The following ARHGEF19 variants were observed in gnomAD, a reference collection of about 807,000 sequenced individuals.
ARHGEF19 encodes the protein Rho guanine nucleotide exchange factor 19.
In ARHGEF19, 92 loss-of-function variants were observed where a neutral mutation model predicts 87.6. The ratio of observed to expected loss-of-function variants is 1.05; its 90% confidence interval spans 0.89 to 1.25. The LOEUF (loss-of-function observed/expected upper bound fraction) is 1.25, where lower values mean the gene tolerates loss of function less well. ARHGEF19 is among the 50% of genes most tolerant of loss of function. The pLI is 0.00. For missense variants in ARHGEF19, 1,054 were observed against 1,051.8 expected (o/e 1.00, Z -0.03); for synonymous variants, 438 against 446.2 (o/e 0.98, Z 0.23).
At position 16,206,990 on chromosome 1, in the gene ARHGEF19, G is replaced by T; in HGVS notation, c.1095C>A (p.Gly365=). ...CCCGCAGGCTCAGCGTGGCCAGGAC[G>T]CCGCTGCCGCGTACGTCGGGGATAT... ...WQDIPDVRGS[G]VLATLSLRDC... is the part of the protein sequence containing the mutation. The change falls in exon 6 of 16, where the codon GGC becomes GGA. Residue 365 remains glycine (G), a synonymous_variant. Coordinates refer to ENST00000270747, the MANE Select transcript of ARHGEF19 (RefSeq NM_153213.5). This position sits in a 1 kb window ranked among gnomAD's most constrained non-coding sequence, Gnocchi z 4.6. 1 of 1,514,304 alleles carries T rather than the reference G, an allele frequency of 6.6e-7. No individual in the cohort carries two copies. 93.8% of individuals were successfully genotyped at this position (1,514,304 alleles called of 1,614,324 possible). A position where few individuals can be genotyped will look rare whatever the true frequency, so the allele number is the denominator to read the frequency against.
At position 16,207,095 on chromosome 1, in the gene ARHGEF19, C is replaced by G. The variant is rs1422753100; in HGVS notation, c.990G>C (p.Pro330=). 2.0e-6 allele frequency: 3 copies of G among 1,503,840 alleles called. No individual in the cohort carries two copies. The East Asian group carries it at 8.2e-5, about 41-fold the overall frequency. The allele number at this position is 1,503,840 out of a possible 1,614,324, so 93.2% of individuals were successfully genotyped here. The stretch of plus-strand genomic sequence containing the variant: ...TGCTGGGGGAGAGGTTGGCCCGCGG[C>G]GGCCCCGGCCCCTCCTCTGCGCCCT... The part of the protein sequence containing the change: ...EAEGAEEGPG[P]PRANLSPSSS... The change falls in exon 6 of 16, where the codon CCG becomes CCC. Residue 330 remains proline, a synonymous_variant. Coordinates refer to ENST00000270747, the MANE Select transcript of ARHGEF19 (RefSeq NM_153213.5). The surrounding 1 kb of genome is among the most constrained non-coding windows in gnomAD (Gnocchi z 4.0).
chr1:16,198,417 G>A lies in ARHGEF19; in HGVS notation c.*170C>T. On this transcript the variant is annotated 3_prime_UTR_variant, in exon 16 of 16. Coordinates refer to ENST00000270747, the MANE Select transcript of ARHGEF19 (RefSeq NM_153213.5). The surrounding 1 kb of genome is among the most constrained non-coding windows in gnomAD (Gnocchi z 4.1). ...GGACACTGAGGAGCATGAGGACGGA[G>A]AGACCCTCTGGAGGCGCCCCCATTC... is the stretch of plus-strand genomic sequence containing the variant. 1 of 698,804 alleles carries A rather than the reference G, an allele frequency of 1.4e-6. No homozygotes were observed. The highest frequency in any genetic ancestry group is 2.2e-6 in the Non-Finnish European group (1 of 453,252). The allele number at this position is 698,804 out of a possible 1,614,324, so 43.3% of individuals were successfully genotyped here.
intron 13 of ARHGEF19, 78 bp downstream of exon 13, chr1:16,202,338 C>A (rs1160059562): frequency 1.2e-6 from 1 of 814,580 alleles, no homozygotes; most frequent in East Asian, 3.4e-5. Context: ...GCCATGGGGA[C>A]GGGGTGCCCA....
chr1:16,208,037 G>T lies in ARHGEF19; in HGVS notation c.601C>A (p.Leu201Met), dbSNP rs769926392. The T allele has an allele frequency of 1.2e-6, 2 of 1,613,776 alleles. No individual in the cohort carries two copies. Among genetic ancestry groups the T allele is most frequent in the East Asian group, 2.2e-5 (1 of 44,878 alleles). ...AGAGAAGAGTGCAGCCGGGTCATCA[G>T]CTCCGATGCCGAGAAGCGCCTCCGC... ...PERRRFSASE[L>M]MTRLHSSLRL... The change falls in exon 3 of 16, where the codon CTG (leucine) becomes ATG (methionine). Residue 201 changes from leucine (L) to methionine (M), a missense_variant. Leu to Met is a conservative substitution (Grantham distance 15, BLOSUM62 2). Transcript: ENST00000270747.
Position 16,207,670 on chromosome 1 carries a change from G to C in ARHGEF19, c.797+5C>G. ...TCGGACCCAAGCCCAAACGGGAGGTGGTACCTGGGCTCGGACCAATCGCCC... is the reference window on the plus strand; with the variant it reads ...TCGGACCCAAGCCCAAACGGGAGGTCGTACCTGGGCTCGGACCAATCGCCC... On this transcript the variant is annotated splice_donor_5th_base_variant and intron_variant, in intron 4 of 15. Transcript: ENST00000270747. This position sits in a 1 kb window ranked among gnomAD's most constrained non-coding sequence, Gnocchi z 4.0. The C allele has an allele frequency of 1.2e-6, 2 of 1,614,096 alleles. No homozygotes were observed. Among genetic ancestry groups the C allele is most frequent in the South Asian group, 2.2e-5 (2 of 91,088 alleles).
chr1:16,198,660 G>A lies in ARHGEF19; in HGVS notation c.2336C>T (p.Ala779Val). The A allele has an allele frequency of 6.2e-7, 1 of 1,613,836 alleles. No individual in the cohort carries two copies. The highest frequency in any genetic ancestry group is 8.5e-7 in the Non-Finnish European group (1 of 1,179,810). ...AYVEEISSLSARLRNLRENKR... is the reference protein window; with the variant it reads ...AYVEEISSLSVRLRNLRENKR... ...ATTCTCCCGGAGGTTTCGGAGGCGG[G>A]CGCTGAGGCTGCTGATCTCTTCCAC... Residue 779 changes from alanine to valine, a missense_variant, in exon 16 of 16, where the codon GCC (alanine) becomes GTC (valine). By Grantham distance (64) the Ala-to-Val change is moderately conservative. Transcript: ENST00000270747. This position sits in a 1 kb window ranked among gnomAD's most constrained non-coding sequence, Gnocchi z 4.1.
chr1:16,202,358 C>T (rs12753404), intron 13 of ARHGEF19, 58 bp downstream of exon 13: 30 of 1,355,774 alleles, frequency 2.2e-5, no homozygotes, highest in South Asian at 4.2e-5. Context: ...ATCATGGGGA[C>T]GGGGTGCCTG....
In ARHGEF19 at chr1:16,206,987, G is replaced by A; in HGVS notation, c.1098C>T (p.Val366=). The change falls in exon 6 of 16, where the codon GTC becomes GTT. Residue 366 remains valine (V), a synonymous_variant. Transcript: ENST00000270747. The surrounding 1 kb of genome is among the most constrained non-coding windows in gnomAD (Gnocchi z 4.6). ...AGTCCCGCAGGCTCAGCGTGGCCAG[G>A]ACGCCGCTGCCGCGTACGTCGGGGA... ...QDIPDVRGSG[V]LATLSLRDCK... 1 of 1,514,804 alleles carries A rather than the reference G, an allele frequency of 6.6e-7. No individual in the cohort carries two copies. The highest frequency in any genetic ancestry group is 8.8e-7 in the Non-Finnish European group (1 of 1,135,798). 93.8% of individuals were successfully genotyped at this position (1,514,804 alleles called of 1,614,324 possible). A position where few individuals can be genotyped will look rare whatever the true frequency, so the allele number is the denominator to read the frequency against.
rs1372710777 is a variant in ARHGEF19 at position 16,207,427 on chromosome 1, C to T, written c.874+95G>A. 6.7e-7 allele frequency: 1 copy of T among 1,499,398 alleles called. No individual in the cohort carries two copies. Among genetic ancestry groups the T allele is most frequent in the African/African-American group, 1.4e-5 (1 of 72,264 alleles). The allele number at this position is 1,499,398 out of a possible 1,614,324, so 92.9% of individuals were successfully genotyped here. On this transcript the variant is annotated intron_variant, in intron 5 of 15. Transcript: ENST00000270747. The surrounding 1 kb of genome is among the most constrained non-coding windows in gnomAD (Gnocchi z 4.0). The stretch of plus-strand genomic sequence containing the variant: ...TTCCATTCTCCGTTTCTCACTCGAT[C>T]CCTACCTCTCAACTCTCCAAACCCT...
In ARHGEF19 at chr1:16,207,902, CGG is replaced by C; in HGVS notation, c.694+40_694+41del. ...GGCATCGCCCACCCCCACCCCCACC[CGG>C]CATCTGGCTGCCCTCAGGGCCCATG... On this transcript the variant is annotated intron_variant, in intron 3 of 15. Coordinates refer to ENST00000270747, the MANE Select transcript of ARHGEF19 (RefSeq NM_153213.5). This position sits in a 1 kb window ranked among gnomAD's most constrained non-coding sequence, Gnocchi z 4.0. 1 of 1,574,794 alleles carries C rather than the reference CGG, an allele frequency of 6.4e-7. No individual in the cohort carries two copies. Among genetic ancestry groups the C allele is most frequent in the Non-Finnish European group, 8.6e-7 (1 of 1,159,180 alleles).
Position 16,199,000 on chromosome 1 carries a change from G to T in ARHGEF19, c.2251+150C>A. ...CACTCTCCATCCTATATCTTTACAA[G>T]CAGGAAGTTCCTCCTCTCATCTAAC... On this transcript the variant is annotated intron_variant, in intron 15 of 15. Transcript: ENST00000270747. This position sits in a 1 kb window ranked among gnomAD's most constrained non-coding sequence, Gnocchi z 4.1. 3.6e-6 allele frequency: 3 copies of T among 826,792 alleles called. No homozygotes were observed. Among genetic ancestry groups the T allele is most frequent in the Non-Finnish European group, 5.8e-6 (3 of 514,196 alleles). The allele number at this position is 826,792 out of a possible 1,614,324, so 51.2% of individuals were successfully genotyped here.
In ARHGEF19 at chr1:16,208,879, C is replaced by T. The variant is rs757461488; in HGVS notation, c.176G>A (p.Arg59Gln). ...DLFPVAPEEL[R>Q]APGSRWSLGT... ...CAGGGACCAGCGGCTGCCAGGAGCC[C>T]GAAGCTCCTCTGGGGCAACAGGGAA... Residue 59 changes from arginine to glutamine, a missense_variant, in exon 2 of 16, where the codon CGG becomes CAG. Coordinates refer to ENST00000270747, the MANE Select transcript of ARHGEF19 (RefSeq NM_153213.5). The T allele has an allele frequency of 9.4e-6, 15 of 1,602,360 alleles. No individual in the cohort carries two copies. The highest frequency in any genetic ancestry group is 1.7e-4 in the Middle Eastern group (1 of 6,008).
chr1:16,200,660 T>C (rs1163188611), intron 14 of ARHGEF19, among the ~76,000 whole-genome samples: 1 of 151,876 alleles, frequency 6.6e-6, no homozygotes, highest in Non-Finnish European at 1.5e-5. Flanking sequence ...AGGAGAATTG[T>C]TTGAACCTGG....
rs2081060524 is a variant in ARHGEF19 at position 16,198,806 on chromosome 1, G to T, written c.2252-62C>A. ...GGGTACCAGGGCCAGGCCTGGAAGG[G>T]AACACCACAGCCCTGATGCAAGCTT... On this transcript the variant is annotated intron_variant, in intron 15 of 15. Transcript: ENST00000270747. This position sits in a 1 kb window ranked among gnomAD's most constrained non-coding sequence, Gnocchi z 4.1. 1 of 1,529,958 alleles carries T rather than the reference G, an allele frequency of 6.5e-7. No individual in the cohort carries two copies. Among genetic ancestry groups the T allele is most frequent in the South Asian group, 1.3e-5 (1 of 79,360 alleles). 94.8% of individuals were successfully genotyped at this position (1,529,958 alleles called of 1,614,324 possible). A position where few individuals can be genotyped will look rare whatever the true frequency, so the allele number is the denominator to read the frequency against.
intron 14 of ARHGEF19, among the ~76,000 whole-genome samples, chr1:16,201,560 GA>G (rs1423308526): frequency 6.6e-6 from 1 of 152,168 alleles, no homozygotes. Flanking sequence ...GGGAGGCTAC[GA>G]AGGCTTTATG....
intron 14 of ARHGEF19, 58 bp from the exon 15 acceptor site, chr1:16,199,312 A>T: frequency 1.9e-5 from 26 of 1,341,470 alleles, no homozygotes; most frequent in Non-Finnish European, 2.8e-5. Context: ...GGGGAGGAGC[A>T]TGGGTAGGGC....
At chr1:16,204,698 G>A (rs761122090) in intron 12 of ARHGEF19, 61 bp downstream of exon 12, 8 of 1,509,062 alleles carry the variant, frequency 5.3e-6, no homozygotes, top group Admixed American at 4.3e-5. Context: ...TAAGCCCAGT[G>A]GTGGGGAGGA....
rs1273238750 is a variant in ARHGEF19 at position 16,208,192 on chromosome 1, A to T, written c.446T>A (p.Val149Asp). ...RKMRVYQREE[V>D]PGCPEAHAVF... ...AGCGTGGGCCTCGGGGCAGCCGGGGACCTCTTCACGCTGGTACACCCGCAT... is the reference window on the plus strand; with the variant it reads ...AGCGTGGGCCTCGGGGCAGCCGGGGTCCTCTTCACGCTGGTACACCCGCAT... The change falls in exon 3 of 16, where the codon GTC becomes GAC. Residue 149 changes from valine (V) to aspartate (D), a missense_variant. By Grantham distance (152) the Val-to-Asp change is radical. Coordinates refer to ENST00000270747, the MANE Select transcript of ARHGEF19 (RefSeq NM_153213.5). 6.2e-7 allele frequency: 1 copy of T among 1,613,092 alleles called. No individual in the cohort carries two copies. The highest frequency in any genetic ancestry group is 8.5e-7 in the Non-Finnish European group (1 of 1,179,606).
rs183438458 is a variant in ARHGEF19, at chr1:16,198,433, G to A, written c.*154C>T. ...GAGGACGGAGAGACCCTCTGGAGGCGCCCCCATTCCTGTGTCCAGCCTGTG... is the reference window on the plus strand; with the variant it reads ...GAGGACGGAGAGACCCTCTGGAGGCACCCCCATTCCTGTGTCCAGCCTGTG... On this transcript the variant is annotated 3_prime_UTR_variant, in exon 16 of 16. Transcript: ENST00000270747. The surrounding 1 kb of genome is among the most constrained non-coding windows in gnomAD (Gnocchi z 4.1). The A allele has an allele frequency of 6.0e-4, 535 of 886,762 alleles. 2 individuals carry two copies. In the African/African-American group the frequency reaches 6.9e-3, roughly 11 times the overall value. 54.9% of individuals were successfully genotyped at this position (886,762 alleles called of 1,614,324 possible). A position where few individuals can be genotyped will look rare whatever the true frequency, so the allele number is the denominator to read the frequency against.
Sources: allele counts gnomAD v4.1 joint callset (sites outside exome capture counted in the v4.1 genomes callset), GRCh38; gene constraint gnomAD v4.1.1; non-coding constraint Gnocchi (gnomAD v3.1); transcripts MANE v1.5; gene names NCBI Gene and HGNC (gene_info 2026-07-23, HGNC 2026-07-21).